VSTM2L: variants seen among roughly 807,000 people sequenced by gnomAD.
The protein encoded by VSTM2L is V-set and transmembrane domain-containing protein 2-like protein.
In VSTM2L, 9 loss-of-function variants were observed where a neutral mutation model predicts 19.9. The ratio of observed to expected loss-of-function variants is 0.45; its 90% CI spans 0.27 to 0.79. VSTM2L has a LOEUF of 0.79. Among genes scored for constraint, VSTM2L ranks in the 30% least tolerant of loss-of-function variants. The pLI, the probability that VSTM2L is intolerant of heterozygous loss-of-function variation, is 0.15. For missense variants in VSTM2L, 286 were observed against 295.5 expected, an observed-to-expected ratio of 0.97 and a Z score of 0.24; for synonymous variants, 127 against 133.8, an observed-to-expected ratio of 0.95 and a Z score of 0.35.
At position 37,944,934 on chromosome 20, in the gene VSTM2L, G is replaced by A. The variant is rs1324056190; in HGVS notation, c.*681G>A. Reference sequence around the variant, plus strand: ...TGTCACACGGCGAGTCAGAAGGGAGGGGCCTTTCCCTCGGACCCATGGCCC... The same window carrying A: ...TGTCACACGGCGAGTCAGAAGGGAGAGGCCTTTCCCTCGGACCCATGGCCC... On this transcript the variant is annotated 3_prime_UTR_variant, in exon 4 of 4. Coordinates refer to ENST00000373461, the MANE Select transcript of VSTM2L (RefSeq NM_080607.3). 1.0e-6 allele frequency: 1 copy of A among 985,754 alleles called. No individual in the cohort carries two copies. The highest frequency in any genetic ancestry group is 1.7e-5 in the African/African-American group (1 of 57,210). 61.1% of individuals were successfully genotyped at this position (985,754 alleles called of 1,614,324 possible). A position where few individuals can be genotyped will look rare whatever the true frequency, so the allele number is the denominator to read the frequency against.
At chr20:37,906,623 G>A (rs1382869350) in intron 1 of VSTM2L, among the ~76,000 whole-genome samples, 7 of 152,252 alleles carry the variant, frequency 4.6e-5, no homozygotes. Flanking sequence ...ACTTACCCAA[G>A]GGTGCTGAGT....
At position 37,944,020 on chromosome 20, in the gene VSTM2L, C is replaced by T. The variant is rs755074635; in HGVS notation, c.382C>T (p.Arg128Cys). The change falls in exon 4 of 4, where the codon CGC (arginine) becomes TGC (cysteine). Residue 128 changes from arginine (R) to cysteine (C), a missense_variant. By Grantham distance (180) the Arg-to-Cys change is radical. Coordinates refer to ENST00000373461, the MANE Select transcript of VSTM2L (RefSeq NM_080607.3). ...GGGCAGCAACATCTCCCACAAGCTG[C>T]GCCTGTCCCGGGTGAAGCCCACGGA... ...VVGSNISHKL[R>C]LSRVKPTDEG... is the part of the protein sequence containing the mutation. 5.6e-6 allele frequency: 9 copies of T among 1,604,042 alleles called. No homozygotes were observed. Among genetic ancestry groups the T allele is most frequent in the South Asian group, 5.5e-5 (5 of 90,460 alleles).
At chr20:37,928,476 G>A (rs948631197) in intron 1 of VSTM2L, among the ~76,000 whole-genome samples, 3 of 152,238 alleles carry the variant, frequency 2.0e-5, no homozygotes, top group Admixed American at 6.5e-5. Flanking sequence ...TTGGCTGGGC[G>A]TGGTGGCTTA....
chr20:37,919,464 A>G (rs1315133825), intron 1 of VSTM2L, among the ~76,000 whole-genome samples: 1 of 152,134 alleles, frequency 6.6e-6, no homozygotes, highest in East Asian at 1.9e-4. Flanking sequence ...GGGCTTTTCC[A>G]TCCTGATTAT....
chr20:37,935,032 C>T (rs1191615789), intron 3 of VSTM2L, among the ~76,000 whole-genome samples: 1 of 152,166 alleles, frequency 6.6e-6, no homozygotes, highest in Non-Finnish European at 1.5e-5. Context: ...CATATTAATA[C>T]CCCGTTCATC....
chr20:37,935,875 C>A (rs550616131), intron 3 of VSTM2L, among the ~76,000 whole-genome samples: 3 of 143,254 alleles, frequency 2.1e-5, no homozygotes, highest in South Asian at 4.8e-4. Context: ...TGTGTGAACC[C>A]ATACACAGAT....
chr20:37,927,626 T>C (rs1030897356), intron 1 of VSTM2L, among the ~76,000 whole-genome samples: 3 of 152,180 alleles, frequency 2.0e-5, no homozygotes, highest in African/African-American at 7.2e-5. Context: ...TACTAGCCCC[T>C]GCCCTCTCTG....
At chr20:37,938,056 C>G (rs2072950300) in intron 3 of VSTM2L, among the ~76,000 whole-genome samples, 1 of 152,080 alleles carries the variant, frequency 6.6e-6, no homozygotes, top group South Asian at 2.1e-4. Flanking sequence ...AAAAATTGGT[C>G]TGGCTGTTGT....
chr20:37,942,388 A>G (rs746023953), intron 3 of VSTM2L, among the ~76,000 whole-genome samples: 2 of 152,250 alleles, frequency 1.3e-5, no homozygotes, highest in Non-Finnish European at 2.9e-5. Flanking sequence ...AGGCTGAGGC[A>G]TGAGAACTGC....
In VSTM2L at chr20:37,939,834, T is replaced by A. The variant is rs564342601; in HGVS notation, c.343-4147T>A. ...AAACCGAGGCCAGAGTGCTGGTGAC[T>A]TGTCACGGTCAGCGCCTGGCCTCCC... On this transcript the variant is annotated intron_variant, in intron 3 of 3. Transcript: ENST00000373461. 7.9e-5 allele frequency among the ~76,000 whole-genome samples: 12 copies of A among 152,346 alleles called. No homozygotes were observed. In the South Asian group the frequency reaches 2.5e-3, roughly 32 times the overall value.
At chr20:37,930,943 TC>T (rs1258165668) in intron 1 of VSTM2L, among the ~76,000 whole-genome samples, 1 of 152,184 alleles carries the variant, frequency 6.6e-6, no homozygotes, top group Non-Finnish European at 1.5e-5. Flanking sequence ...CTCGGGATCC[TC>T]AAGGAGGACC....
chr20:37,921,837 C>CTTTTTTTTTTTTTTTTTTTTTTTTTT (rs1568837638), intron 1 of VSTM2L, among the ~76,000 whole-genome samples: 3 of 126,616 alleles, frequency 2.4e-5, no homozygotes, highest in African/African-American at 1.1e-4. Flanking sequence ...TCTTTCTTTT[C>CTTTTTTTTTTTTTTTTTTTTTTTTTT]CTTTTTTTTT....
intron 1 of VSTM2L, among the ~76,000 whole-genome samples, chr20:37,923,648 A>C (rs931679631): frequency 2.6e-5 from 4 of 152,196 alleles, no homozygotes; most frequent in African/African-American, 9.6e-5. Context: ...AGGGGGGCTC[A>C]GGGGCCGGGT....
At chr20:37,931,568 A>G in intron 1 of VSTM2L, 67 bp from the exon 2 acceptor site, 3 of 1,477,138 alleles carry the variant, frequency 2.0e-6, no homozygotes, top group Non-Finnish European at 2.7e-6. Flanking sequence ...TACGTTCTCC[A>G]CCTCCTTCAC....
intron 1 of VSTM2L, among the ~76,000 whole-genome samples, chr20:37,905,528 G>A (rs773265284): frequency 1.3e-5 from 2 of 152,188 alleles, no homozygotes; most frequent in African/African-American, 4.8e-5. Context: ...CTAAGGCCCA[G>A]GACAGGGGCT....
intron 3 of VSTM2L, among the ~76,000 whole-genome samples, chr20:37,942,280 G>A (rs148489928): frequency 0.019 from 2,950 of 152,250 alleles, 89 homozygotes; most frequent in African/African-American, 0.065. Context: ...CCAGGAGTTC[G>A]GGACCAGCCT....
At chr20:37,911,150 A>C (rs1275313591) in intron 1 of VSTM2L, among the ~76,000 whole-genome samples, 2 of 147,726 alleles carry the variant, frequency 1.4e-5, no homozygotes, top group African/African-American at 2.5e-5. Context: ...GGGCACCTGT[A>C]ATCCCAGCTA....
At chr20:37,923,738 AG>A (rs1311493647) in intron 1 of VSTM2L, among the ~76,000 whole-genome samples, 2 of 152,070 alleles carry the variant, frequency 1.3e-5, no homozygotes, top group Non-Finnish European at 2.9e-5. Context: ...GGGTAGCTGG[AG>A]GGAAAGAGTA....
intron 3 of VSTM2L, among the ~76,000 whole-genome samples, chr20:37,939,231 C>T (rs1303558577): frequency 1.3e-5 from 2 of 151,776 alleles, no homozygotes; most frequent in Admixed American, 6.6e-5. Context: ...ATAGTAAGAC[C>T]CCATCTCCAC....
Sources: allele counts gnomAD v4.1 joint callset (sites outside exome capture counted in the v4.1 genomes callset), GRCh38; gene constraint gnomAD v4.1.1; transcripts MANE v1.5; gene names NCBI Gene and HGNC (gene_info 2026-07-23, HGNC 2026-07-21).